Variants in KLF8 observed in about 807,000 individuals in gnomAD.
KLF8 encodes the protein Krueppel-like factor 8.
Under a neutral mutation model 18.2 loss-of-function variants are expected in KLF8, and 10 were observed. The ratio of observed to expected loss-of-function variants is 0.55; its 90% confidence interval spans 0.34 to 0.93. The LOEUF is 0.93. KLF8 is among the 40% of genes least tolerant of loss of function. KLF8 has a pLI of 0.02. For missense variants in KLF8, 264 were observed against 277.9 expected (o/e 0.95, Z 0.36); for synonymous variants, 109 against 97.3 (o/e 1.12, Z -0.71).
At chrX:56,148,916 G>A in the KLF8 span, among the ~76,000 whole-genome samples, 2 of 112,177 alleles carry the variant, frequency 1.8e-5, no homozygotes, top group African/African-American at 6.5e-5. Context: ...AAAATGGAAG[G>A]CTTGTGAAAT....
chrX:56,111,701 A>G, the KLF8 span, among the ~76,000 whole-genome samples: 1 of 112,419 alleles, frequency 8.9e-6, no homozygotes, highest in African/African-American at 3.2e-5. Context: ...AAAAGAAGAC[A>G]TTTATGCAGC....
chrX:55,996,578 G>A, the KLF8 span, among the ~76,000 whole-genome samples: 9 of 111,808 alleles, frequency 8.0e-5, no homozygotes, highest in Admixed American at 4.7e-4. Context: ...TTTGACTGTC[G>A]TATAAGTTGG....
At chrX:56,113,466 T>A in the KLF8 span, among the ~76,000 whole-genome samples, 1 of 109,500 alleles carries the variant, frequency 9.1e-6, no homozygotes, top group Non-Finnish European at 1.9e-5. Context: ...CAAACTAATT[T>A]TTGCAAAATA....
the KLF8 span, among the ~76,000 whole-genome samples, chrX:55,959,329 G>A: frequency 8.9e-6 from 1 of 112,015 alleles, no homozygotes; most frequent in Non-Finnish European, 1.9e-5. Flanking sequence ...TAGAGAACCA[G>A]TGCTAGAACT....
At chrX:55,998,968 T>C in the KLF8 span, among the ~76,000 whole-genome samples, 8 of 110,765 alleles carry the variant, frequency 7.2e-5, no homozygotes, top group African/African-American at 2.6e-4. Context: ...ATTTTTATAG[T>C]TTGAGATCTT....
chrX:56,171,611 G>A, the KLF8 span, among the ~76,000 whole-genome samples: 2 of 111,402 alleles, frequency 1.8e-5, no homozygotes, highest in Non-Finnish European at 3.8e-5. Flanking sequence ...CTATGAGTGA[G>A]AACATGCGGT....
At chrX:56,177,361 G>C in the KLF8 span, among the ~76,000 whole-genome samples, 1 of 110,923 alleles carries the variant, frequency 9.0e-6, no homozygotes, top group Non-Finnish European at 1.9e-5. Context: ...GTTTGCTGGC[G>C]GTCCACTTCA....
chrX:56,146,931 T>C, the KLF8 span, among the ~76,000 whole-genome samples: 1 of 112,126 alleles, frequency 8.9e-6, no homozygotes, highest in African/African-American at 3.2e-5. Context: ...CAACTTTAAG[T>C]TGTACTCTAA....
the KLF8 span, among the ~76,000 whole-genome samples, chrX:56,032,668 ATTG>A: frequency 2.7e-5 from 3 of 112,082 alleles, no homozygotes; most frequent in Non-Finnish European, 5.6e-5. Context: ...GTAATTCTTT[ATTG>A]TTGTTGTTCA....
chrX:55,956,468 A>C, the KLF8 span, among the ~76,000 whole-genome samples: 34 of 111,487 alleles, frequency 3.0e-4, no homozygotes, highest in South Asian at 7.5e-4. Context: ...TTTGGGCAGA[A>C]CTTTCATGCT....
At chrX:55,951,453 G>C in the KLF8 span, among the ~76,000 whole-genome samples, 1 of 99,896 alleles carries the variant, frequency 1.0e-5, no homozygotes, top group Non-Finnish European at 2.0e-5. Flanking sequence ...TCCAGCCTGG[G>C]CAACATAAAA....
the KLF8 span, among the ~76,000 whole-genome samples, chrX:56,136,546 G>A: frequency 8.9e-6 from 1 of 111,786 alleles, no homozygotes; most frequent in African/African-American, 3.3e-5. Flanking sequence ...AAACTGGCTA[G>A]CCATATTTAG....
chrX:56,227,475 G>T (rs1602396323), upstream of KLF8, among the ~76,000 whole-genome samples: 4 of 109,902 alleles, frequency 3.6e-5, 1 homozygote, highest in Admixed American at 9.7e-5. Flanking sequence ...CTCCTGAGTA[G>T]CTGGGACTAC....
chrX:56,171,565 C>G, the KLF8 span, among the ~76,000 whole-genome samples: 3 of 110,515 alleles, frequency 2.7e-5, 1 homozygote, highest in Admixed American at 2.9e-4. Context: ...ATGTTCCCCA[C>G]CCTGTGTCCA....
the KLF8 span, among the ~76,000 whole-genome samples, chrX:56,100,158 A>G: frequency 9.0e-6 from 1 of 111,259 alleles, no homozygotes; most frequent in South Asian, 3.9e-4. Context: ...CCGAGAACCC[A>G]AGGGCTCTTA....
the KLF8 span, among the ~76,000 whole-genome samples, chrX:56,109,566 A>G: frequency 1.1e-4 from 12 of 110,668 alleles, no homozygotes; most frequent in Non-Finnish European, 1.9e-4. Flanking sequence ...TAAATGTTCG[A>G]TTATTATTGA....
At chrX:55,965,952 G>T in the KLF8 span, among the ~76,000 whole-genome samples, 1 of 111,853 alleles carries the variant, frequency 8.9e-6, no homozygotes, top group Non-Finnish European at 1.9e-5. Flanking sequence ...ACCACAAGCT[G>T]ATTGAAGAAC....
the KLF8 span, among the ~76,000 whole-genome samples, chrX:56,117,317 T>A: frequency 1.4e-3 from 152 of 111,981 alleles, no homozygotes; most frequent in Non-Finnish European, 1.9e-3. Context: ...TCAACAAACA[T>A]TCCCTGAGCA....
chrX:56,082,044 A>G, the KLF8 span, among the ~76,000 whole-genome samples: 2 of 111,312 alleles, frequency 1.8e-5, no homozygotes, highest in African/African-American at 6.5e-5. Flanking sequence ...TTCTCTTTAA[A>G]TGTTTACTAG....
Sources: gnomAD v4.1 joint callset for allele counts (sites outside exome capture counted in the v4.1 genomes callset) on GRCh38, gnomAD v4.1.1 for gene constraint, MANE v1.5 for transcripts, NCBI Gene and HGNC (gene_info 2026-07-23, HGNC 2026-07-21) for gene names.